SLC2A1: variants seen among roughly 807,000 people sequenced by gnomAD.
SLC2A1 encodes the protein solute carrier family 2 member 1.
A neutral mutation model predicts 46.6 loss-of-function variants in SLC2A1; 4 were observed. The ratio of observed to expected loss-of-function variants is 0.09; its 90% CI spans 0.04 to 0.20. SLC2A1 has a LOEUF of 0.20. Ranked by LOEUF, SLC2A1 falls within the 10% of genes least tolerant of loss-of-function variation. SLC2A1 has a pLI of 1.00. For synonymous variants in SLC2A1, 253 were observed against 270.0 expected (o/e 0.94, Z 0.62); for missense variants, 352 against 667.0 (o/e 0.53, Z 5.20).
At chr1:42,943,364 C>A (rs1350552421) in intron 1 of SLC2A1, 43 bp from the exon 2 acceptor site, 3 of 1,406,888 alleles carry the variant, frequency 2.1e-6, no homozygotes, top group Non-Finnish European at 1.0e-6. Context: ...TGTCTGGGAG[C>A]AGGTTACTAC....
At chr1:42,952,415 C>T (rs367928219) in intron 1 of SLC2A1, 6 of 477,998 alleles carry the variant, frequency 1.3e-5, no homozygotes, top group Non-Finnish European at 2.5e-5. Context: ...AGTCGATCAG[C>T]GAGTTGGGGA....
chr1:42,928,867 T>G, intron 8 of SLC2A1, 65 bp downstream of exon 8: 3 of 1,416,800 alleles, frequency 2.1e-6, no homozygotes, highest in Non-Finnish European at 3.0e-6. Context: ...GAGACAGGCA[T>G]TTTGGGATAT....
chr1:42,937,325 G>C (rs991180719), intron 2 of SLC2A1, among the ~76,000 whole-genome samples: 1 of 152,218 alleles, frequency 6.6e-6, no homozygotes, highest in Non-Finnish European at 1.5e-5. Context: ...CTAACTGAAG[G>C]GCTTGAGGGG....
chr1:42,942,303 G>A (rs1007719631), intron 2 of SLC2A1, among the ~76,000 whole-genome samples: 2 of 152,206 alleles, frequency 1.3e-5, no homozygotes, highest in African/African-American at 4.8e-5. Context: ...CTGGGCCTCA[G>A]TTTCCGGGTC....
At chr1:42,956,348 G>A (rs994474174) in intron 1 of SLC2A1, among the ~76,000 whole-genome samples, 6 of 149,596 alleles carry the variant, frequency 4.0e-5, no homozygotes, top group Non-Finnish European at 7.4e-5. Context: ...GATCATCTGA[G>A]GTCGGGAGTT....
chr1:42,958,469 G>T (rs1257810165), intron 1 of SLC2A1, among the ~76,000 whole-genome samples, 165 bp downstream of exon 1: 1 of 150,490 alleles, frequency 6.6e-6, no homozygotes, highest in Non-Finnish European at 1.5e-5. Flanking sequence ...GCGGCCCGGC[G>T]GGGCGCTGCG....
In SLC2A1 at chr1:42,931,123, G is replaced by C; in HGVS notation, c.198C>G (p.Ser66=). The change falls in exon 3 of 10, where the codon TCC becomes TCG. Residue 66 remains serine (S), a synonymous_variant. Transcript: ENST00000426263. ...CAACAGAAAAGATGGCCACTGAGAG[G>C]GACCAGAGCGTGGTGAGCGTGGTGG... The part of the protein sequence containing the change: ...ILPTTLTTLW[S]LSVAIFSVGG... 6.2e-7 allele frequency: 1 copy of C among 1,614,142 alleles called. No homozygotes were observed. The highest frequency in any genetic ancestry group is 8.5e-7 in the Non-Finnish European group (1 of 1,180,016).
At chr1:42,941,680 G>A (rs1461627847) in intron 2 of SLC2A1, among the ~76,000 whole-genome samples, 4 of 152,166 alleles carry the variant, frequency 2.6e-5, no homozygotes, top group African/African-American at 4.8e-5. Context: ...ATCTGGGGGC[G>A]TTCTGGAAAC....
intron 1 of SLC2A1, among the ~76,000 whole-genome samples, chr1:42,944,741 C>T (rs923732654): frequency 2.0e-5 from 3 of 152,136 alleles, no homozygotes; most frequent in South Asian, 2.1e-4. Context: ...TCTGTGTGTG[C>T]GCTGCATCCT....
chr1:42,941,451 T>C (rs1450373022), intron 2 of SLC2A1, among the ~76,000 whole-genome samples: 2 of 152,202 alleles, frequency 1.3e-5, no homozygotes, highest in African/African-American at 4.8e-5. Flanking sequence ...TCTGGGCATT[T>C]TGCTTTGAAG....
intron 1 of SLC2A1, among the ~76,000 whole-genome samples, chr1:42,946,597 A>G (rs971572038): frequency 1.3e-5 from 2 of 152,218 alleles, no homozygotes; most frequent in African/African-American, 4.8e-5. Flanking sequence ...TGGGCTGTGA[A>G]GGACACACAG....
chr1:42,938,310 G>C (rs1643564209), intron 2 of SLC2A1, among the ~76,000 whole-genome samples: 1 of 152,180 alleles, frequency 6.6e-6, no homozygotes, highest in African/African-American at 2.4e-5. Flanking sequence ...GCAGTGTGCA[G>C]AGCTGGGGAG....
chr1:42,930,579 C>T lies in SLC2A1; in HGVS notation c.516+47G>A, dbSNP rs1413727376. On this transcript the variant is annotated intron_variant, in intron 4 of 9. Coordinates refer to ENST00000426263, the MANE Select transcript of SLC2A1 (RefSeq NM_006516.4). The surrounding 1 kb of genome is among the most constrained non-coding windows in gnomAD (Gnocchi z 6.2). ...GGCACAGATCCGAGAGCCACTGAAGCTGTGGGCAGGGGCCGTGCCAGGCAG... is the reference window on the plus strand; with the variant it reads ...GGCACAGATCCGAGAGCCACTGAAGTTGTGGGCAGGGGCCGTGCCAGGCAG... The T allele has an allele frequency of 6.2e-7, 1 of 1,610,528 alleles. No individual in the cohort carries two copies. The highest frequency in any genetic ancestry group is 8.5e-7 in the Non-Finnish European group (1 of 1,178,604).
chr1:42,958,805 C>G lies in SLC2A1; in HGVS notation c.-154G>C, dbSNP rs893401130. 4.1e-6 allele frequency: 3 copies of G among 725,766 alleles called. No homozygotes were observed. The African/African-American group carries it at 5.6e-5, about 13-fold the overall frequency. The allele number at this position is 725,766 out of a possible 1,614,324, so 45.0% of individuals were successfully genotyped here. On this transcript the variant is annotated 5_prime_UTR_variant, in exon 1 of 10. Transcript: ENST00000426263. The stretch of plus-strand genomic sequence containing the variant: ...CGTCGTTTGGTCTCCTGCTCCCTGG[C>G]GTGCTCACTCGGGGACCCGCGACTA...
intron 1 of SLC2A1, among the ~76,000 whole-genome samples, chr1:42,948,482 G>A (rs1257061075): frequency 6.6e-6 from 1 of 152,160 alleles, no homozygotes; most frequent in Non-Finnish European, 1.5e-5. Flanking sequence ...GGGTTCCCCA[G>A]GTGCAGGGAA....
chr1:42,952,391 G>A (rs559807110), intron 1 of SLC2A1: 12 of 482,320 alleles, frequency 2.5e-5, no homozygotes, highest in Non-Finnish European at 3.7e-5. Context: ...GGAGATTCCC[G>A]TAGAGGCTGA....
At position 42,930,503 on chromosome 1, in the gene SLC2A1, G is replaced by T; in HGVS notation, c.516+123C>A. The T allele has an allele frequency of 7.5e-7, 1 of 1,329,638 alleles. No individual in the cohort carries two copies. The highest frequency in any genetic ancestry group is 1.1e-6 in the Non-Finnish European group (1 of 943,158). 82.4% of individuals were successfully genotyped at this position (1,329,638 alleles called of 1,614,324 possible). A position where few individuals can be genotyped will look rare whatever the true frequency, so the allele number is the denominator to read the frequency against. On this transcript the variant is annotated intron_variant, in intron 4 of 9. Coordinates refer to ENST00000426263, the MANE Select transcript of SLC2A1 (RefSeq NM_006516.4). The surrounding 1 kb of genome is among the most constrained non-coding windows in gnomAD (Gnocchi z 6.2). Reference sequence around the variant, plus strand: ...TTCTCTGGACCTGTGTACCATAGTTGTCCTCTGCAAGGCTGTGGGGGCTGG... The same window carrying T: ...TTCTCTGGACCTGTGTACCATAGTTTTCCTCTGCAAGGCTGTGGGGGCTGG...
chr1:42,933,559 G>A (rs1337675768), intron 2 of SLC2A1, among the ~76,000 whole-genome samples: 1 of 152,082 alleles, frequency 6.6e-6, no homozygotes, highest in Non-Finnish European at 1.5e-5. Context: ...TTCTGCTGGG[G>A]GCAGACAGAA....
chr1:42,929,291 G>C lies in SLC2A1; in HGVS notation c.891C>G (p.Ile297Met). 6.2e-7 allele frequency: 1 copy of C among 1,613,078 alleles called. No individual in the cohort carries two copies. Among genetic ancestry groups the C allele is most frequent in the Non-Finnish European group, 8.5e-7 (1 of 1,179,478 alleles). The part of the protein sequence containing the change: ...INAVFYYSTS[I>M]FEKAGVQQPV... ...GCTGCTGCACCCCCGCCTTCTCGAA[G>C]ATGCTCGTGGAGTAATAGAAGACCT... The change falls in exon 7 of 10, where the codon ATC becomes ATG. Residue 297 changes from isoleucine (I) to methionine (M), a missense_variant. Ile to Met is a conservative substitution (Grantham distance 10). Transcript: ENST00000426263. The surrounding 1 kb of genome is among the most constrained non-coding windows in gnomAD (Gnocchi z 6.0).
Sources: gnomAD v4.1 joint callset for allele counts (sites outside exome capture counted in the v4.1 genomes callset) on GRCh38, gnomAD v4.1.1 for gene constraint, Gnocchi (gnomAD v3.1) non-coding constraint, MANE v1.5 for transcripts, NCBI Gene and HGNC (gene_info 2026-07-23, HGNC 2026-07-21) for gene names.